The following SAMMSON variants were observed in gnomAD, a reference collection of about 807,000 sequenced individuals.
The protein encoded by SAMMSON is long intergenic non-protein coding RNA 1212.
intron 7 of SAMMSON, among the ~76,000 whole-genome samples, chr3:70,309,164 G>T (rs1224395166): frequency 6.6e-6 from 1 of 152,078 alleles, no homozygotes; most frequent in African/African-American, 2.4e-5. Flanking sequence ...TTAATGAAAT[G>T]AATAGAATTT....
At chr3:70,183,151 G>C (rs1701067467) in intron 4 of SAMMSON, among the ~76,000 whole-genome samples, 1 of 152,168 alleles carries the variant, frequency 6.6e-6, no homozygotes, top group Non-Finnish European at 1.5e-5. Context: ...CACTGTAACT[G>C]TGAAGTATGA....
intron 4 of SAMMSON, among the ~76,000 whole-genome samples, chr3:70,238,120 G>A (rs1242881664): frequency 1.3e-5 from 2 of 150,124 alleles, no homozygotes; most frequent in African/African-American, 2.4e-5. Context: ...ACAGACATAT[G>A]ATAGCCAGAG....
chr3:70,035,195 C>G (rs530965738), intron 3 of SAMMSON, among the ~76,000 whole-genome samples: 2 of 152,092 alleles, frequency 1.3e-5, no homozygotes, highest in Non-Finnish European at 1.5e-5. Context: ...TGTTTTCTTG[C>G]TGACTGTTGG....
chr3:70,079,361 A>G (rs564456295), intron 4 of SAMMSON, among the ~76,000 whole-genome samples: 5 of 152,266 alleles, frequency 3.3e-5, no homozygotes, highest in African/African-American at 1.2e-4. Context: ...AATGCTACAA[A>G]TCGAGGCTTC....
At chr3:70,081,306 G>C (rs989659107) in intron 4 of SAMMSON, among the ~76,000 whole-genome samples, 3 of 152,072 alleles carry the variant, frequency 2.0e-5, no homozygotes, top group Non-Finnish European at 2.9e-5. Flanking sequence ...GTAGAGACAG[G>C]GTTTCACCAT....
intron 7 of SAMMSON, among the ~76,000 whole-genome samples, chr3:70,303,809 G>A (rs1308526042): frequency 6.6e-6 from 1 of 152,040 alleles, no homozygotes; most frequent in African/African-American, 2.4e-5. Flanking sequence ...AGCTTCCTGA[G>A]TAGCTGGAAT....
chr3:70,107,527 T>C (rs762360940), intron 4 of SAMMSON, among the ~76,000 whole-genome samples: 21 of 151,946 alleles, frequency 1.4e-4, no homozygotes, highest in Non-Finnish European at 3.1e-4. Flanking sequence ...TTGGACTTAA[T>C]TTAGTAGAGA....
chr3:70,295,871 C>T (rs968161335), intron 7 of SAMMSON, among the ~76,000 whole-genome samples: 6 of 152,054 alleles, frequency 3.9e-5, no homozygotes, highest in Non-Finnish European at 8.8e-5. Flanking sequence ...TAGAAATGTG[C>T]CTCCCACTTG....
At chr3:70,045,161 A>G (rs1437307155) in intron 3 of SAMMSON, among the ~76,000 whole-genome samples, 1 of 132,398 alleles carries the variant, frequency 7.6e-6, no homozygotes, top group Admixed American at 8.4e-5. Flanking sequence ...TAATTATAAT[A>G]TATTATAATT....
intron 4 of SAMMSON, among the ~76,000 whole-genome samples, chr3:70,230,476 C>T (rs541626497): frequency 2.8e-5 from 4 of 142,736 alleles, no homozygotes; most frequent in East Asian, 4.2e-4. Context: ...ATTATTGTTA[C>T]ATTAGACAAA....
chr3:70,418,962 TTC>T (rs1701287390), intron 2 of SAMMSON, among the ~76,000 whole-genome samples: 1 of 73,988 alleles, frequency 1.4e-5, no homozygotes, highest in Non-Finnish European at 3.3e-5. Context: ...TTCCTTTCCT[TTC>T]CTTTCCTTCC....
intron 7 of SAMMSON, among the ~76,000 whole-genome samples, chr3:70,325,715 C>T (rs1307967343): frequency 1.3e-5 from 2 of 152,126 alleles, no homozygotes; most frequent in Non-Finnish European, 2.9e-5. Context: ...ATAACATCAA[C>T]CTTTGCCCTT....
intron 2 of SAMMSON, among the ~76,000 whole-genome samples, chr3:70,400,144 CA>C (rs1238902287): frequency 6.6e-6 from 1 of 152,004 alleles, no homozygotes; most frequent in Non-Finnish European, 1.5e-5. Context: ...TGTTAAAATA[CA>C]TGTAATCAAG....
chr3:70,392,353 G>T (rs1299745949), downstream of SAMMSON, among the ~76,000 whole-genome samples: 3 of 152,066 alleles, frequency 2.0e-5, no homozygotes, highest in Admixed American at 1.3e-4. Context: ...ACTTGACCAG[G>T]ATCACATAGG....
chr3:70,012,319 T>G (rs1187721141), intron 1 of SAMMSON: 2 of 151,854 alleles, frequency 1.3e-5, no homozygotes, highest in African/African-American at 2.4e-5. Flanking sequence ...TTAAGAATCT[T>G]GAGATGTGAA....
chr3:70,000,180 C>A (rs1388573015), intron 1 of SAMMSON, among the ~76,000 whole-genome samples: 1 of 152,138 alleles, frequency 6.6e-6, no homozygotes, highest in African/African-American at 2.4e-5. Context: ...GGAGCACACA[C>A]GTCCACTGGG....
At chr3:70,062,983 C>A (rs1032786404) in intron 3 of SAMMSON, among the ~76,000 whole-genome samples, 2 of 152,038 alleles carry the variant, frequency 1.3e-5, no homozygotes, top group African/African-American at 2.4e-5. Context: ...ATGTTGACTT[C>A]ATCACCTGGT....
rs1575638489 is a variant in SAMMSON, at chr3:70,385,258, T to TAGG, written n.914-4316_914-4315insAGG. ...TCGTGAAGATTAACAGAGAAAAATG[T>TAGG]TCTTATGATAACTAACAGTAGGTCC... On this transcript the variant is annotated intron_variant and non_coding_transcript_variant, in intron 9 of 9. Transcript: ENST00000642114. Among the ~76,000 whole-genome samples, 6 of 152,246 alleles carry TAGG rather than the reference T, an allele frequency of 3.9e-5. No homozygotes were observed. In the East Asian group the frequency reaches 1.2e-3, roughly 29 times the overall value.
rs1044239750 is a variant in SAMMSON at position 70,364,375 on chromosome 3, A to T, written n.913+6051A>T. ...CTGGATATAAAAATCTTTGGATTAC[A>T]CTTTACTTCCTTGAGTATATTGTAG... On this transcript the variant is annotated intron_variant and non_coding_transcript_variant, in intron 9 of 9. Coordinates refer to ENST00000642114, the Ensembl canonical transcript of SAMMSON. Among the ~76,000 whole-genome samples, 6 of 152,054 alleles carry T rather than the reference A, an allele frequency of 3.9e-5. No individual in the cohort carries two copies. In the South Asian group the frequency reaches 1.2e-3, roughly 32 times the overall value.
Sources: allele counts gnomAD v4.1 joint callset (sites outside exome capture counted in the v4.1 genomes callset), GRCh38; gene constraint gnomAD v4.1.1; transcripts MANE v1.5; gene names NCBI Gene and HGNC (gene_info 2026-07-23, HGNC 2026-07-21).